The following ITGA5 variants were observed in gnomAD, a reference collection of about 807,000 sequenced individuals.
The protein encoded by ITGA5 is integrin alpha-5.
Under a neutral mutation model 146.3 loss-of-function variants are expected in ITGA5, and 55 were observed. The ratio of observed to expected loss-of-function variants is 0.38; its 90% CI spans 0.30 to 0.47. The LOEUF is 0.47. Among genes scored for constraint, ITGA5 ranks in the 20% least tolerant of loss-of-function variants. The pLI, the probability that ITGA5 is intolerant of heterozygous loss-of-function variation, is 0.99. For synonymous variants in ITGA5, 500 were observed against 531.8 expected, an observed-to-expected ratio of 0.94 and a Z score of 0.82; for missense variants, 1,131 against 1,329.0, an observed-to-expected ratio of 0.85 and a Z score of 2.32.
chr12:54,406,072 A>C lies in ITGA5; in HGVS notation c.907-146T>G, dbSNP rs570215804. 214 of 705,606 alleles carry C rather than the reference A, an allele frequency of 3.0e-4. No homozygotes were observed. The African/African-American group carries it at 3.5e-3, about 11-fold the overall frequency. 43.7% of individuals were successfully genotyped at this position (705,606 alleles called of 1,614,324 possible). A position where few individuals can be genotyped will look rare whatever the true frequency, so the allele number is the denominator to read the frequency against. On this transcript the variant is annotated intron_variant, in intron 9 of 29. Transcript: ENST00000293379. ...TAGCTCCCTCTTCAGCTTTGCCCTCATATTCCCACCTCTATGCCAGGTAGT... is the reference window on the plus strand; with the variant it reads ...TAGCTCCCTCTTCAGCTTTGCCCTCCTATTCCCACCTCTATGCCAGGTAGT...
At chr12:54,415,571 T>C (rs1210853290) in intron 1 of ITGA5, among the ~76,000 whole-genome samples, 5 of 152,222 alleles carry the variant, frequency 3.3e-5, no homozygotes, top group Admixed American at 2.0e-4. Context: ...TCCTGATTTC[T>C]ACGACAGCAT....
rs763466927 is a variant in ITGA5 at position 54,406,631 on chromosome 12, A to G, written c.907-705T>C. 2.0e-5 allele frequency among the ~76,000 whole-genome samples: 3 copies of G among 152,136 alleles called. No individual in the cohort carries two copies. In the South Asian group the frequency reaches 6.2e-4, roughly 32 times the overall value. ...GCCCTAACCTATCTGTTTTTGCTCA[A>G]CCTTTCCATATTCTACTCATCCTCA... On this transcript the variant is annotated intron_variant, in intron 9 of 29. Transcript: ENST00000293379.
At position 54,403,383 on chromosome 12, in the gene ITGA5, C is replaced by T. The variant is rs1592286915; in HGVS notation, c.1777-59G>A. Reference sequence around the variant, plus strand: ...GGACTCTGGAGACTTAGTGGCCCTGCTCCTCAGCCTCTCTCATCTCCCTTT... The same window carrying T: ...GGACTCTGGAGACTTAGTGGCCCTGTTCCTCAGCCTCTCTCATCTCCCTTT... On this transcript the variant is annotated intron_variant, in intron 17 of 29. Transcript: ENST00000293379. This position sits in a 1 kb window ranked among gnomAD's most constrained non-coding sequence, Gnocchi z 4.9. 2.0e-6 allele frequency: 3 copies of T among 1,475,724 alleles called. No individual in the cohort carries two copies. Among genetic ancestry groups the T allele is most frequent in the South Asian group, 2.9e-5 (2 of 69,624 alleles). 91.4% of individuals were successfully genotyped at this position (1,475,724 alleles called of 1,614,324 possible). A position where few individuals can be genotyped will look rare whatever the true frequency, so the allele number is the denominator to read the frequency against.
intron 9 of ITGA5, 40 bp downstream of exon 9, chr12:54,407,609 C>T: frequency 6.4e-7 from 1 of 1,563,514 alleles, no homozygotes. Flanking sequence ...TGTGATTAGG[C>T]AGGGGAGGAG....
At chr12:54,411,762 A>C in intron 2 of ITGA5, 72 bp downstream of exon 2, 3 of 1,301,688 alleles carry the variant, frequency 2.3e-6, no homozygotes, top group Non-Finnish European at 1.0e-6. Context: ...CCCTCGCCCC[A>C]GGCCCCACCC....
Position 54,403,321 on chromosome 12 carries a change from C to T in ITGA5, c.1780G>A (p.Glu594Lys), listed in dbSNP as rs769977784. 4.6e-6 allele frequency: 7 copies of T among 1,523,896 alleles called. No individual in the cohort carries two copies. The highest frequency in any genetic ancestry group is 2.3e-5 in the East Asian group (1 of 43,720). The allele number at this position is 1,523,896 out of a possible 1,614,324, so 94.4% of individuals were successfully genotyped here. Residue 594 changes from glutamate to lysine, a missense_variant, in exon 18 of 30, where the codon GAG becomes AAG. Physicochemically the swap from Glu to Lys is moderately conservative, Grantham distance 56. Around this residue, in one of 3 missense-constraint regions of ITGA5, gnomAD observed 889 missense variants for 1,021.5 expected, o/e 0.87. Coordinates refer to ENST00000293379, the MANE Select transcript of ITGA5 (RefSeq NM_002205.5). This position sits in a 1 kb window ranked among gnomAD's most constrained non-coding sequence, Gnocchi z 4.9. Reference sequence around the variant, plus strand: ...GAGAGTTTGTCTCGAAATTCTGACTCGTTCTGGGGCCAGAGGAGAGAGTTC... The same window carrying T: ...GAGAGTTTGTCTCGAAATTCTGACTTGTTCTGGGGCCAGAGGAGAGAGTTC... ...CREMKIYLRN[E>K]SEFRDKLSPI...
chr12:54,402,521 CCT>C (rs1297231089), intron 19 of ITGA5, among the ~76,000 whole-genome samples, 191 bp from the exon 20 acceptor site: 1 of 151,750 alleles, frequency 6.6e-6, no homozygotes, highest in Non-Finnish European at 1.5e-5. Context: ...ATGATGAAAC[CCT>C]GTCTCTACTA....
At chr12:54,400,205 T>G (rs982880295) in intron 25 of ITGA5, 5 of 480,646 alleles carry the variant, frequency 1.0e-5, no homozygotes, top group Non-Finnish European at 1.9e-5. Context: ...GCACTGGATG[T>G]TCCCTTGGTT....
intron 12 of ITGA5, 67 bp from the exon 13 acceptor site, chr12:54,404,961 G>T: frequency 7.5e-7 from 1 of 1,333,510 alleles, no homozygotes; most frequent in Non-Finnish European, 1.0e-6. Flanking sequence ...TCTACTACCA[G>T]ACCCCAGGAC....
In ITGA5 at chr12:54,401,118, G is replaced by A; in HGVS notation, c.2494-123C>T. ...GGCTCCTATCTCAGAGATGAAGCAGGGAAGCAATGGGCAGAGGTGAAATCC... is the reference window on the plus strand; with the variant it reads ...GGCTCCTATCTCAGAGATGAAGCAGAGAAGCAATGGGCAGAGGTGAAATCC... On this transcript the variant is annotated intron_variant, in intron 24 of 29. Coordinates refer to ENST00000293379, the MANE Select transcript of ITGA5 (RefSeq NM_002205.5). The surrounding 1 kb of genome is among the most constrained non-coding windows in gnomAD (Gnocchi z 5.0). 9.8e-7 allele frequency: 1 copy of A among 1,024,976 alleles called. No individual in the cohort carries two copies. The highest frequency in any genetic ancestry group is 1.6e-5 in the South Asian group (1 of 61,966). 63.5% of individuals were successfully genotyped at this position (1,024,976 alleles called of 1,614,324 possible). A position where few individuals can be genotyped will look rare whatever the true frequency, so the allele number is the denominator to read the frequency against.
In ITGA5 at chr12:54,401,072, C is replaced by T. The variant is rs1955778986; in HGVS notation, c.2494-77G>A. On this transcript the variant is annotated intron_variant, in intron 24 of 29. Coordinates refer to ENST00000293379, the MANE Select transcript of ITGA5 (RefSeq NM_002205.5). The surrounding 1 kb of genome is among the most constrained non-coding windows in gnomAD (Gnocchi z 5.0). Reference sequence around the variant, plus strand: ...CCATTGAGACCCTGGATCACCATGGCTCCACTATACCCTGCTGTCAGGCTC... The same window carrying T: ...CCATTGAGACCCTGGATCACCATGGTTCCACTATACCCTGCTGTCAGGCTC... The T allele has an allele frequency of 7.1e-7, 1 of 1,405,342 alleles. No individual in the cohort carries two copies. The highest frequency in any genetic ancestry group is 1.3e-5 in the South Asian group (1 of 79,226). The allele number at this position is 1,405,342 out of a possible 1,614,324, so 87.1% of individuals were successfully genotyped here. A position where few individuals can be genotyped will look rare whatever the true frequency, so the allele number is the denominator to read the frequency against.
At chr12:54,405,003 C>T (rs997017185) in intron 12 of ITGA5, 109 bp from the exon 13 acceptor site, 43 of 1,192,364 alleles carry the variant, frequency 3.6e-5, no homozygotes, top group Middle Eastern at 2.0e-4. Flanking sequence ...TCTGTCAGTC[C>T]CTATATTCTA....
intron 1 of ITGA5, among the ~76,000 whole-genome samples, chr12:54,417,082 G>C (rs567518817): frequency 2.6e-5 from 4 of 152,176 alleles, no homozygotes; most frequent in Admixed American, 1.3e-4. Context: ...AGGAGTGCAA[G>C]CTGGACACCT....
chr12:54,404,638 A>G (rs1955836967), intron 13 of ITGA5, 65 bp downstream of exon 13: 1 of 1,518,188 alleles, frequency 6.6e-7, no homozygotes, highest in Admixed American at 1.7e-5. Context: ...AAAGGTGCAG[A>G]AGAGAGAGTA....
rs1373793322 is a variant in ITGA5, at chr12:54,408,964, G to A, written c.584-10C>T. ...GCTGCCCAGCTGAAATCTGTGAGGGGAGAAGGTGGTGAAAATGAGCCCTGC... is the reference window on the plus strand; with the variant it reads ...GCTGCCCAGCTGAAATCTGTGAGGGAAGAAGGTGGTGAAAATGAGCCCTGC... On this transcript the variant is annotated splice_polypyrimidine_tract_variant and intron_variant, in intron 4 of 29. Transcript: ENST00000293379. The A allele has an allele frequency of 6.2e-7, 1 of 1,613,736 alleles. No homozygotes were observed. The highest frequency in any genetic ancestry group is 8.5e-7 in the Non-Finnish European group (1 of 1,179,824).
At position 54,409,843 on chromosome 12, in the gene ITGA5, C is replaced by T. The variant is rs115887363; in HGVS notation, c.350-246G>A. ...ACACATACATACACACGCACGCACA[C>T]GCACACAGAACCTGGGCTTTCTTTT... On this transcript the variant is annotated intron_variant, in intron 2 of 29. Transcript: ENST00000293379. This position sits in a 1 kb window ranked among gnomAD's most constrained non-coding sequence, Gnocchi z 4.7. The T allele has an allele frequency of 3.7e-3, 1,443 of 389,402 alleles. 16 individuals are homozygous for T. Among genetic ancestry groups the T allele is most frequent in the African/African-American group, 0.028 (1,321 of 47,634 alleles). 24.1% of individuals were successfully genotyped at this position (389,402 alleles called of 1,614,324 possible). A position where few individuals can be genotyped will look rare whatever the true frequency, so the allele number is the denominator to read the frequency against.
chr12:54,404,924 C>A, intron 12 of ITGA5, 30 bp from the exon 13 acceptor site: 1 of 1,506,130 alleles, frequency 6.6e-7, no homozygotes, highest in Non-Finnish European at 8.9e-7. Context: ...CACTAGTCAG[C>A]AGGCCAGGAA....
chr12:54,418,045 T>C (rs1216772319), intron 1 of ITGA5, among the ~76,000 whole-genome samples: 1 of 152,016 alleles, frequency 6.6e-6, no homozygotes, highest in African/African-American at 2.4e-5. Flanking sequence ...GGGTCCTGAG[T>C]CCTTCATTCT....
intron 9 of ITGA5, among the ~76,000 whole-genome samples, chr12:54,406,996 C>T (rs1955874292): frequency 6.6e-6 from 1 of 152,214 alleles, no homozygotes; most frequent in Admixed American, 6.5e-5. Flanking sequence ...TCTTAAGCAA[C>T]TTACTTGGTC....
Sources: gnomAD v4.1 joint callset for allele counts (sites outside exome capture counted in the v4.1 genomes callset) on GRCh38, gnomAD v4.1.1 for gene constraint, gnomAD v4.1.1 regional missense constraint, Gnocchi (gnomAD v3.1) non-coding constraint, MANE v1.5 for transcripts, NCBI Gene and HGNC (gene_info 2026-07-23, HGNC 2026-07-21) for gene names.